SPRED2: variants seen among roughly 807,000 people sequenced by gnomAD.
SPRED2 encodes sprouty-related, EVH1 domain-containing protein 2.
A neutral mutation model predicts 43.0 loss-of-function variants in SPRED2; 47 were observed. The observed-to-expected ratio is 1.09, with a 90% CI of 0.87 to 1.40. The LOEUF is 1.40. SPRED2 is among the 40% of genes most tolerant of loss of function. The pLI is 0.00. For synonymous variants in SPRED2, 225 were observed against 225.7 expected (o/e 1.00, Z 0.03); for missense variants, 561 against 586.4 (o/e 0.96, Z 0.45).
intron 1 of SPRED2, among the ~76,000 whole-genome samples, chr2:65,431,635 C>G (rs1676697299): frequency 6.6e-6 from 1 of 152,316 alleles, no homozygotes; most frequent in East Asian, 1.9e-4. Flanking sequence ...AGGTCTTCCG[C>G]TCTAGCCGCC....
chr2:65,402,677 C>A (rs1028401904), intron 1 of SPRED2, among the ~76,000 whole-genome samples: 2 of 152,198 alleles, frequency 1.3e-5, no homozygotes, highest in Non-Finnish European at 1.5e-5. Context: ...CCTATCAGAG[C>A]TCATATGGAA....
intron 1 of SPRED2, among the ~76,000 whole-genome samples, chr2:65,387,186 C>T (rs1675521856): frequency 1.3e-5 from 2 of 152,168 alleles, no homozygotes; most frequent in African/African-American, 4.8e-5. Context: ...GGTGCTGGCT[C>T]CCTCTGTTGG....
intron 4 of SPRED2, among the ~76,000 whole-genome samples, chr2:65,319,432 A>T (rs1430641813): frequency 6.6e-6 from 1 of 152,180 alleles, no homozygotes; most frequent in Non-Finnish European, 1.5e-5. Flanking sequence ...TGAGGATGGG[A>T]GCAAGAGAAG....
intron 1 of SPRED2, among the ~76,000 whole-genome samples, chr2:65,369,730 G>A (rs1005847930): frequency 6.2e-5 from 2 of 32,002 alleles, no homozygotes; most frequent in Non-Finnish European, 1.2e-4. Context: ...AGCAGCTGAG[G>A]AGCCTGCACC....
intron 1 of SPRED2, among the ~76,000 whole-genome samples, chr2:65,393,254 A>G (rs1394643908): frequency 6.7e-6 from 1 of 148,824 alleles, no homozygotes; most frequent in Non-Finnish European, 1.5e-5. Context: ...TCCAGCCTCT[A>G]CTCCCTTCCC....
intron 1 of SPRED2, among the ~76,000 whole-genome samples, chr2:65,383,748 T>C (rs1232187197): frequency 2.0e-5 from 3 of 152,180 alleles, no homozygotes; most frequent in Non-Finnish European, 4.4e-5. Flanking sequence ...GATAAACATG[T>C]ACAGGAAATA....
chr2:65,356,755 G>A (rs2104301765), intron 1 of SPRED2, among the ~76,000 whole-genome samples: 1 of 152,120 alleles, frequency 6.6e-6, no homozygotes, highest in South Asian at 2.1e-4. Flanking sequence ...ATTTTGGGAG[G>A]TTGAAGTGGG....
chr2:65,311,048 T>A lies in SPRED2; in HGVS notation c.*2453A>T, dbSNP rs1673055154. On this transcript the variant is annotated 3_prime_UTR_variant, in exon 6 of 6. Transcript: ENST00000356388. ...GGGTTTTTAGTATACAGGTAAAGAA[T>A]GAATTATGCTTCAGGCACTTTAATT... 1 of 985,570 alleles carries A rather than the reference T, an allele frequency of 1.0e-6. No individual in the cohort carries two copies. The allele number at this position is 985,570 out of a possible 1,614,324, so 61.1% of individuals were successfully genotyped here.
intron 1 of SPRED2, among the ~76,000 whole-genome samples, chr2:65,392,421 C>T (rs1325658487): frequency 6.6e-6 from 1 of 152,124 alleles, no homozygotes. Context: ...AGTGATCCTC[C>T]TACCTCAGCC....
At chr2:65,342,450 T>TATTATATGTATGTATATTTTGTATATAC (rs1558660271) in intron 2 of SPRED2, among the ~76,000 whole-genome samples, 2 of 149,296 alleles carry the variant, frequency 1.3e-5, no homozygotes, top group African/African-American at 4.9e-5. Context: ...TTTGTATATA[T>TATTATATGTATGTATATTTTGTATATAC]ATTATATATG....
intron 2 of SPRED2, among the ~76,000 whole-genome samples, chr2:65,335,433 G>T (rs956456748): frequency 6.6e-6 from 1 of 152,172 alleles, no homozygotes; most frequent in African/African-American, 2.4e-5. Context: ...TTTAATCTCA[G>T]AACTGGCTTT....
At chr2:65,426,046 C>T (rs1385318906) in intron 1 of SPRED2, among the ~76,000 whole-genome samples, 10 of 152,254 alleles carry the variant, frequency 6.6e-5, no homozygotes, top group African/African-American at 2.4e-4. Flanking sequence ...AAGACTCCAG[C>T]AGAACCCTGC....
intron 2 of SPRED2, among the ~76,000 whole-genome samples, chr2:65,335,588 G>A (rs943855560): frequency 6.6e-6 from 1 of 152,116 alleles, no homozygotes; most frequent in Non-Finnish European, 1.5e-5. Context: ...TATCTTCCCT[G>A]TCAAGTTTTA....
chr2:65,313,251 G>C lies in SPRED2; in HGVS notation c.*250C>G. On this transcript the variant is annotated 3_prime_UTR_variant, in exon 6 of 6. Transcript: ENST00000356388. Reference sequence around the variant, plus strand: ...AATAGTACAGGAGTCTGTGGCGAAGGTTCCTTCCTCAGAACACTGTGCGAG... The same window carrying C: ...AATAGTACAGGAGTCTGTGGCGAAGCTTCCTTCCTCAGAACACTGTGCGAG... 1 of 1,293,086 alleles carries C rather than the reference G, an allele frequency of 7.7e-7. No individual in the cohort carries two copies. Among genetic ancestry groups the C allele is most frequent in the Non-Finnish European group, 9.8e-7 (1 of 1,022,438 alleles). 80.1% of individuals were successfully genotyped at this position (1,293,086 alleles called of 1,614,324 possible).
rs888930428 is a variant in SPRED2, at chr2:65,398,753, CTT to C, written c.26+33207_26+33208del. 2.0e-4 allele frequency among the ~76,000 whole-genome samples: 30 copies of C among 152,276 alleles called. 1 individual carries two copies. The highest frequency in any genetic ancestry group is 6.7e-4 in the African/African-American group (28 of 41,542). On this transcript the variant is annotated intron_variant, in intron 1 of 5. Coordinates refer to ENST00000356388, the MANE Select transcript of SPRED2 (RefSeq NM_181784.3). ...GTGTGGATGTGCTGAAAAGGGAACACTTTTACACTGTTGGTGGGAATGTAAAC... is the reference window on the plus strand; with the variant it reads ...GTGTGGATGTGCTGAAAAGGGAACACTTACACTGTTGGTGGGAATGTAAAC...
chr2:65,362,781 C>T (rs1473928569), intron 1 of SPRED2, among the ~76,000 whole-genome samples: 52 of 149,884 alleles, frequency 3.5e-4, no homozygotes, highest in Non-Finnish European at 6.5e-4. Context: ...TCGCTTGAAC[C>T]AGGGAGGTGA....
At chr2:65,425,833 T>TA (rs1204629675) in intron 1 of SPRED2, among the ~76,000 whole-genome samples, 1 of 152,252 alleles carries the variant, frequency 6.6e-6, no homozygotes, top group Non-Finnish European at 1.5e-5. Flanking sequence ...GGGGTCTTTT[T>TA]AAAAAACTCG....
At chr2:65,322,294 A>ATATATATATATATTTTTTTTTTTTT (rs1350932295) in intron 4 of SPRED2, among the ~76,000 whole-genome samples, 1 of 64,930 alleles carries the variant, frequency 1.5e-5, no homozygotes, top group African/African-American at 7.1e-5. Flanking sequence ...ATATATATAT[A>ATATATATATATATTTTTTTTTTTTT]TTTTTTTTTT....
intron 1 of SPRED2, among the ~76,000 whole-genome samples, chr2:65,406,437 C>A (rs1206746649): frequency 6.6e-6 from 1 of 152,166 alleles, no homozygotes; most frequent in African/African-American, 2.4e-5. Flanking sequence ...AGGCAGGACC[C>A]AATATTTTAT....
Sources: allele counts gnomAD v4.1 joint callset (sites outside exome capture counted in the v4.1 genomes callset), GRCh38; gene constraint gnomAD v4.1.1; transcripts MANE v1.5; gene names NCBI Gene and HGNC (gene_info 2026-07-23, HGNC 2026-07-21).